The following KMT2C variants were observed in gnomAD, a reference collection of about 807,000 sequenced individuals.
KMT2C encodes the protein histone-lysine N-methyltransferase 2C.
Under a neutral mutation model 507.9 loss-of-function variants are expected in KMT2C, and 88 were observed. That is an observed-to-expected ratio of 0.17 (90% CI 0.15 to 0.21). The LOEUF (loss-of-function observed/expected upper bound fraction) is 0.21. KMT2C is among the 10% of genes least tolerant of loss of function. The pLI, the probability that KMT2C is intolerant of heterozygous loss-of-function variation, is 1.00. For missense variants in KMT2C, 4,954 were observed against 5,957.8 expected (o/e 0.83, Z 5.55); for synonymous variants, 2,049 against 2,080.8 (o/e 0.98, Z 0.42).
intron 44 of KMT2C, chr7:152,157,811 T>C: frequency 7.5e-7 from 1 of 1,327,006 alleles, no homozygotes; most frequent in Non-Finnish European, 9.9e-7. Context: ...AGGGTAGCAC[T>C]GCCAAAAGTT....
At chr7:152,344,714 A>G (rs1236114795) in intron 2 of KMT2C, among the ~76,000 whole-genome samples, 1 of 152,138 alleles carries the variant, frequency 6.6e-6, no homozygotes, top group African/African-American at 2.4e-5. Context: ...CAGGCTGGGC[A>G]TGGTGGCTCA....
In KMT2C at chr7:152,162,818, G is replaced by T. The variant is rs567451018; in HGVS notation, c.10759C>A (p.Gln3587Lys). ...TCAGAATACAACTGAATGAGCGATT[G>T]GGTTGATCCCGGATAACTGTGTCCA... is the stretch of plus-strand genomic sequence containing the variant. ...THGHSYPGSTQSLIQLYSDII... is the reference protein window; with the variant it reads ...THGHSYPGSTKSLIQLYSDII... The change falls in exon 43 of 59, where the codon CAA becomes AAA. Residue 3587 changes from glutamine to lysine, a missense_variant. Gln to Lys is a moderately conservative substitution (Grantham distance 53, BLOSUM62 1). Coordinates refer to ENST00000262189, the MANE Select transcript of KMT2C (RefSeq NM_170606.3). 2 of 1,614,102 alleles carry T rather than the reference G, an allele frequency of 1.2e-6. No homozygotes were observed. The highest frequency in any genetic ancestry group is 1.7e-6 in the Non-Finnish European group (2 of 1,180,030).
chr7:152,409,843 A>T (rs2097663153), intron 1 of KMT2C, among the ~76,000 whole-genome samples: 1 of 152,240 alleles, frequency 6.6e-6, no homozygotes, highest in East Asian at 1.9e-4. Flanking sequence ...ACACATGAAG[A>T]AATCTGTTGA....
At chr7:152,396,291 A>G (rs762630233) in intron 1 of KMT2C, among the ~76,000 whole-genome samples, 3 of 152,224 alleles carry the variant, frequency 2.0e-5, no homozygotes, top group Non-Finnish European at 4.4e-5. Flanking sequence ...GACAGAAAAA[A>G]ATTAATTAAA....
intron 1 of KMT2C, among the ~76,000 whole-genome samples, chr7:152,391,165 A>AAAAAAAAAAT: frequency 6.7e-6 from 1 of 149,430 alleles, no homozygotes; most frequent in Admixed American, 6.6e-5. Context: ...AAAAAAAAAA[A>AAAAAAAAAAT]AAGCCTTAAA....
rs1442360554 is a variant in KMT2C at position 152,207,377 on chromosome 7, T to A, written c.3764A>T (p.Glu1255Val). ...DGKSESSPER[E>V]AVDDETKGVE... is the part of the protein sequence containing the mutation. ...TCCCTTAGTTTCATCATCCACAGCT[T>A]CCCGCTCAGGACTAGATTCTGATTT... Residue 1255 changes from glutamate (E) to valine (V), a missense_variant, in exon 24 of 59, where the codon GAA becomes GTA. Coordinates refer to ENST00000262189, the MANE Select transcript of KMT2C (RefSeq NM_170606.3). 1 of 1,611,358 alleles carries A rather than the reference T, an allele frequency of 6.2e-7. No individual in the cohort carries two copies. Among genetic ancestry groups the A allele is most frequent in the Non-Finnish European group, 8.5e-7 (1 of 1,178,728 alleles).
At chr7:152,364,617 A>AAAAAAAAAG (rs56810754) in intron 1 of KMT2C, among the ~76,000 whole-genome samples, 6,085 of 149,874 alleles carry the variant, frequency 0.041, 299 homozygotes, top group African/African-American at 0.094. Flanking sequence ...TCCAAAAAAA[A>AAAAAAAAAG]AAAGAAAAGA....
intron 1 of KMT2C, among the ~76,000 whole-genome samples, chr7:152,390,239 A>G (rs2097481016): frequency 6.6e-6 from 1 of 152,242 alleles, no homozygotes; most frequent in Non-Finnish European, 1.5e-5. Flanking sequence ...AATTGTAAAG[A>G]AAAAAAGTAT....
chr7:152,192,457 G>C lies in KMT2C; in HGVS notation c.4660+1552C>G, dbSNP rs548389641. 2.0e-5 allele frequency among the ~76,000 whole-genome samples: 3 copies of C among 151,666 alleles called. No homozygotes were observed. The East Asian group carries it at 5.8e-4, about 30-fold the overall frequency. On this transcript the variant is annotated intron_variant, in intron 31 of 58. Coordinates refer to ENST00000262189, the MANE Select transcript of KMT2C (RefSeq NM_170606.3). ...CTCGGGAGGCTAAGCCAGAAGAATC[G>C]CTGAACTCAGAGGGCAGAGGTTGCA...
chr7:152,249,891 T>C lies in KMT2C; in HGVS notation c.1798A>G (p.Ser600Gly), dbSNP rs745865492. ...TACTGCTTACCAGCAATAAGAAGAC[T>C]ATCTGTGTCAAGACTTTCTGAGGGA... is the stretch of plus-strand genomic sequence containing the variant. ...SHPSESLDTD[S>G]LLIAVSSQHT... Residue 600 changes from serine (S) to glycine (G), a missense_variant, in exon 13 of 59, where the codon AGT becomes GGT. Physicochemically the swap from Ser to Gly is moderately conservative, Grantham distance 56. This residue lies in a region of KMT2C where 376 missense variants were observed against 352.4 expected (regional missense o/e 1.07). Coordinates refer to ENST00000262189, the MANE Select transcript of KMT2C (RefSeq NM_170606.3). 19 of 1,594,392 alleles carry C rather than the reference T, an allele frequency of 1.2e-5. No homozygotes were observed. Among genetic ancestry groups the C allele is most frequent in the Non-Finnish European group, 1.6e-5 (19 of 1,162,474 alleles).
intron 9 of KMT2C, among the ~76,000 whole-genome samples, chr7:152,256,705 C>T (rs1271313788): frequency 2.0e-5 from 3 of 152,176 alleles, no homozygotes; most frequent in Non-Finnish European, 4.4e-5. Flanking sequence ...AGGCAAAACA[C>T]ATGAACAGAC....
At chr7:152,189,070 T>C (rs1420804017) in intron 31 of KMT2C, among the ~76,000 whole-genome samples, 1 of 152,228 alleles carries the variant, frequency 6.6e-6, no homozygotes, top group East Asian at 1.9e-4. Context: ...TGAATTCTCA[T>C]TCGAGCTTAT....
chr7:152,385,415 A>G (rs1589634206), intron 1 of KMT2C, among the ~76,000 whole-genome samples: 1 of 135,720 alleles, frequency 7.4e-6, no homozygotes, highest in Non-Finnish European at 1.5e-5. Flanking sequence ...GATCGAGACC[A>G]TCCCGGCTAA....
chr7:152,259,395 A>C (rs2095717050), intron 9 of KMT2C, among the ~76,000 whole-genome samples: 1 of 151,170 alleles, frequency 6.6e-6, no homozygotes, highest in South Asian at 2.1e-4. Context: ...TTAACCCTCA[A>C]ATAGTAGGGG....
In KMT2C at chr7:152,136,491, TAGTG is replaced by T. The variant is rs1427784073; in HGVS notation, c.*337_*340del. Reference sequence around the variant, plus strand: ...CTTTGCCCCAGTAAAAGTTTCTCCTTAGTGAGACTAGAAAACCAAAACAATGAAA... The same window carrying T: ...CTTTGCCCCAGTAAAAGTTTCTCCTTAGACTAGAAAACCAAAACAATGAAA... On this transcript the variant is annotated 3_prime_UTR_variant, in exon 59 of 59. Transcript: ENST00000262189. 1.4e-5 allele frequency: 4 copies of T among 288,998 alleles called. No individual in the cohort carries two copies. Among genetic ancestry groups the T allele is most frequent in the Non-Finnish European group, 2.0e-5 (3 of 153,744 alleles). 17.9% of individuals were successfully genotyped at this position (288,998 alleles called of 1,614,324 possible). A position where few individuals can be genotyped will look rare whatever the true frequency, so the allele number is the denominator to read the frequency against.
In KMT2C at chr7:152,177,345, T is replaced by A. The variant is rs2093249683; in HGVS notation, c.8108A>T (p.Asp2703Val). Residue 2703 changes from aspartate (D) to valine (V), a missense_variant, in exon 38 of 59, where the codon GAC (aspartate) becomes GTC (valine). Transcript: ENST00000262189. ...GTCTTTGACTTCAACCCCCTCAAGG[T>A]CTTTAACATCCAGTTCCTTCACAGA... The part of the protein sequence containing the change: ...DPSVKELDVK[D>V]LEGVEVKDLD... 4 of 1,614,178 alleles carry A rather than the reference T, an allele frequency of 2.5e-6. No individual in the cohort carries two copies.
chr7:152,195,157 G>A lies in KMT2C; in HGVS notation c.4379-589C>T, dbSNP rs1002348173. Among the ~76,000 whole-genome samples the A allele has an allele frequency of 2.0e-5, 3 of 151,788 alleles. No individual in the cohort carries two copies. In the East Asian group the frequency reaches 5.8e-4, roughly 29 times the overall value. On this transcript the variant is annotated intron_variant, in intron 28 of 58. Coordinates refer to ENST00000262189, the MANE Select transcript of KMT2C (RefSeq NM_170606.3). ...ATTTGTAAGAGTCACATGTAAAAGT[G>A]GTTTATCATCTACATTTTTTTCATG...
chr7:152,346,272 T>C (rs2097056879), intron 2 of KMT2C, among the ~76,000 whole-genome samples: 2 of 152,166 alleles, frequency 1.3e-5, no homozygotes, highest in African/African-American at 2.4e-5. Flanking sequence ...TCATCAACAA[T>C]AGCAGAATAC....
chr7:152,364,348 C>T (rs978546827), intron 1 of KMT2C, among the ~76,000 whole-genome samples: 11 of 152,142 alleles, frequency 7.2e-5, no homozygotes, highest in African/African-American at 2.7e-4. Flanking sequence ...TGGCTCACGC[C>T]TCTAATCCCA....
Sources: gnomAD v4.1 joint callset for allele counts (sites outside exome capture counted in the v4.1 genomes callset) on GRCh38, gnomAD v4.1.1 for gene constraint, gnomAD v4.1.1 regional missense constraint, MANE v1.5 for transcripts, NCBI Gene and HGNC (gene_info 2026-07-23, HGNC 2026-07-21) for gene names.